The following ETV6 variants were observed in gnomAD, a reference collection of about 807,000 sequenced individuals.
The protein encoded by ETV6 is ETS variant transcription factor 6.
Under a neutral mutation model 51.1 loss-of-function variants are expected in ETV6, and 16 were observed. The observed-to-expected ratio is 0.31, with a 90% CI of 0.21 to 0.48. The LOEUF (loss-of-function observed/expected upper bound fraction) is 0.48, where lower values mean the gene tolerates loss of function less well. ETV6 is among the 20% of genes least tolerant of loss of function. ETV6 has a pLI of 0.99. For synonymous variants in ETV6, 240 were observed against 224.1 expected (o/e 1.07, Z -0.64); for missense variants, 458 against 594.8 (o/e 0.77, Z 2.39).
intron 1 of ETV6, among the ~76,000 whole-genome samples, chr12:11,741,549 A>T (rs1865811206): frequency 6.6e-6 from 1 of 152,238 alleles, no homozygotes; most frequent in South Asian, 2.1e-4. Flanking sequence ...AGTGAAGCTG[A>T]GAAGCCTTCC....
chr12:11,699,361 T>C (rs1444019839), intron 1 of ETV6, among the ~76,000 whole-genome samples: 1 of 152,230 alleles, frequency 6.6e-6, no homozygotes, highest in Non-Finnish European at 1.5e-5. Context: ...AAATGTTCAT[T>C]TTAATTAAGC....
At chr12:11,750,315 C>T (rs1865996955) in intron 1 of ETV6, among the ~76,000 whole-genome samples, 1 of 152,182 alleles carries the variant, frequency 6.6e-6, no homozygotes. Flanking sequence ...TGTCAGCTGG[C>T]TGGGGATGGA....
At chr12:11,687,469 G>A (rs954853735) in intron 1 of ETV6, among the ~76,000 whole-genome samples, 15 of 152,056 alleles carry the variant, frequency 9.9e-5, no homozygotes, top group African/African-American at 3.4e-4. Context: ...GGCGTGACCC[G>A]CACCCAGCGC....
chr12:11,650,545 G>A lies in ETV6; in HGVS notation c.33+385G>A, dbSNP rs184126969. Among the ~76,000 whole-genome samples the A allele has an allele frequency of 9.2e-4, 131 of 142,052 alleles. 1 individual carries two copies. The highest frequency in any genetic ancestry group is 2.8e-3 in the African/African-American group (105 of 37,678). 93.2% of individuals were successfully genotyped at this position (142,052 alleles called of 152,430 possible). The stretch of plus-strand genomic sequence containing the variant: ...CTCCCTATTCCTACACCCAACATGT[G>A]ACTGAAATATAACTTTTGTTCCCGA... On this transcript the variant is annotated intron_variant, in intron 1 of 7. Coordinates refer to ENST00000396373, the MANE Select transcript of ETV6 (RefSeq NM_001987.5).
In ETV6 at chr12:11,752,509, G is replaced by T. The variant is rs201801905; in HGVS notation, c.93G>T (p.Thr31=). 3.7e-5 allele frequency: 59 copies of T among 1,613,816 alleles called. No homozygotes were observed. The highest frequency in any genetic ancestry group is 8.3e-5 in the Admixed American group (5 of 59,988). Residue 31 remains threonine (T), a synonymous_variant, in exon 2 of 8, where the codon ACG becomes ACT. Coordinates refer to ENST00000396373, the MANE Select transcript of ETV6 (RefSeq NM_001987.5). ...ESPVPSYASS[T]PLHVPVPRAL... ...CAGTGCCGAGTTACGCTTCCTCGAC[G>T]CCACTTCATGTTCCAGTGCCTCGAG...
At chr12:11,678,110 A>T (rs1864455477) in intron 1 of ETV6, among the ~76,000 whole-genome samples, 1 of 152,230 alleles carries the variant, frequency 6.6e-6, no homozygotes, top group Admixed American at 6.5e-5. Flanking sequence ...AATAAATTAA[A>T]GAACAAGGAT....
chr12:11,791,880 T>C (rs1312295882), intron 2 of ETV6, among the ~76,000 whole-genome samples: 1 of 152,182 alleles, frequency 6.6e-6, no homozygotes, highest in Non-Finnish European at 1.5e-5. Context: ...AAGATTTCAT[T>C]TCCCACCTTG....
At chr12:11,838,591 C>G (rs2136462943) in intron 2 of ETV6, among the ~76,000 whole-genome samples, 1 of 152,362 alleles carries the variant, frequency 6.6e-6, no homozygotes, top group East Asian at 1.9e-4. Flanking sequence ...ATTGCTCTTC[C>G]TGGAAGAAGT....
At chr12:11,876,094 A>C (rs1459343863) in intron 5 of ETV6, among the ~76,000 whole-genome samples, 4 of 152,204 alleles carry the variant, frequency 2.6e-5, no homozygotes, top group African/African-American at 9.7e-5. Flanking sequence ...TTAGATGACA[A>C]GGCATGTTTG....
chr12:11,735,086 C>T (rs972312287), intron 1 of ETV6, among the ~76,000 whole-genome samples: 8 of 76,226 alleles, frequency 1.0e-4, no homozygotes, highest in Non-Finnish European at 1.3e-4. Context: ...GCAAGGTGGC[C>T]TTTTTTTTTT....
At chr12:11,852,113 T>G (rs909856625) in intron 3 of ETV6, among the ~76,000 whole-genome samples, 4 of 152,166 alleles carry the variant, frequency 2.6e-5, no homozygotes, top group Non-Finnish European at 4.4e-5. Flanking sequence ...ATTGTAAAGA[T>G]TTATCACCCA....
At chr12:11,710,218 C>T (rs1156733419) in intron 1 of ETV6, among the ~76,000 whole-genome samples, 5 of 152,024 alleles carry the variant, frequency 3.3e-5, no homozygotes, top group African/African-American at 4.8e-5. Context: ...CCCAAAGCTC[C>T]GTGGCTTTCT....
At chr12:11,840,074 G>A (rs1390755351) in intron 3 of ETV6, among the ~76,000 whole-genome samples, 2 of 152,158 alleles carry the variant, frequency 1.3e-5, no homozygotes, top group African/African-American at 2.4e-5. Flanking sequence ...GCCAAGGCCA[G>A]TTTAGAAAGG....
At chr12:11,788,124 A>T (rs147681187) in intron 2 of ETV6, among the ~76,000 whole-genome samples, 1 of 152,234 alleles carries the variant, frequency 6.6e-6, no homozygotes, top group South Asian at 2.1e-4. Flanking sequence ...GCCTAAGAAT[A>T]AATTGTTTCT....
intron 1 of ETV6, among the ~76,000 whole-genome samples, chr12:11,672,849 G>C (rs529319925): frequency 2.6e-5 from 4 of 152,184 alleles, no homozygotes; most frequent in African/African-American, 7.2e-5. Flanking sequence ...GTAGGAAGGC[G>C]GTGAACAGGG....
intron 2 of ETV6, among the ~76,000 whole-genome samples, chr12:11,782,057 G>T (rs1037494175): frequency 6.6e-6 from 1 of 152,102 alleles, no homozygotes; most frequent in African/African-American, 2.4e-5. Context: ...TATCATTTTT[G>T]CAAATATGCA....
chr12:11,858,801 C>T (rs1030666045), intron 4 of ETV6, among the ~76,000 whole-genome samples: 1 of 150,766 alleles, frequency 6.6e-6, no homozygotes, highest in African/African-American at 2.4e-5. Context: ...AGCTCTTTAT[C>T]ACAAGGTAAA....
intron 1 of ETV6, among the ~76,000 whole-genome samples, chr12:11,726,412 A>C (rs1282699055): frequency 6.6e-6 from 1 of 152,210 alleles, no homozygotes; most frequent in Non-Finnish European, 1.5e-5. Context: ...CTCATACAGT[A>C]GGTCGTAAAA....
At chr12:11,885,501 C>CACAA (rs1291350276) in intron 6 of ETV6, among the ~76,000 whole-genome samples, 2 of 152,066 alleles carry the variant, frequency 1.3e-5, no homozygotes, top group African/African-American at 4.8e-5. Flanking sequence ...AGACCAGAAA[C>CACAA]ACAAGTTTGA....
Sources: gnomAD v4.1 joint callset for allele counts (sites outside exome capture counted in the v4.1 genomes callset) on GRCh38, gnomAD v4.1.1 for gene constraint, MANE v1.5 for transcripts, NCBI Gene and HGNC (gene_info 2026-07-23, HGNC 2026-07-21) for gene names.